The following DOCK10 variants were observed in gnomAD, a reference collection of about 807,000 sequenced individuals.
The protein encoded by DOCK10 is dedicator of cytokinesis 10.
A neutral mutation model predicts 280.1 loss-of-function variants in DOCK10; 145 were observed. The observed-to-expected ratio is 0.52, with a 90% CI of 0.45 to 0.59. The LOEUF (loss-of-function observed/expected upper bound fraction) is 0.59, where lower values mean the gene tolerates loss of function less well. Among genes scored for constraint, DOCK10 ranks in the 20% least tolerant of loss-of-function variants. DOCK10 has a pLI of 0.00. For missense variants in DOCK10, 2,368 were observed against 2,651.7 expected, an observed-to-expected ratio of 0.89 and a Z score of 2.35; for synonymous variants, 915 against 942.2, an observed-to-expected ratio of 0.97 and a Z score of 0.53.
chr2:224,944,303 G>T (rs1703270088), intron 1 of DOCK10, among the ~76,000 whole-genome samples: 1 of 152,218 alleles, frequency 6.6e-6, no homozygotes, highest in Non-Finnish European at 1.5e-5. Context: ...AGCGTGACCT[G>T]TAGTCCAGTG....
chr2:224,835,384 T>C (rs966071881), intron 25 of DOCK10, among the ~76,000 whole-genome samples: 1 of 152,224 alleles, frequency 6.6e-6, no homozygotes, highest in African/African-American at 2.4e-5. Context: ...CTGTTAACCA[T>C]GGCATTTAAT....
chr2:224,883,213 C>T (rs1352330194), intron 7 of DOCK10, among the ~76,000 whole-genome samples: 2 of 152,178 alleles, frequency 1.3e-5, no homozygotes, highest in Middle Eastern at 3.2e-3. Context: ...CCATTCATAC[C>T]TCCATCATCG....
chr2:225,004,078 T>A (rs1178621800), intron 1 of DOCK10, among the ~76,000 whole-genome samples: 2 of 152,250 alleles, frequency 1.3e-5, no homozygotes, highest in Non-Finnish European at 2.9e-5. Flanking sequence ...GATCATTCCT[T>A]GCAGTGGGTT....
chr2:224,974,959 C>T (rs1705344520), intron 1 of DOCK10, among the ~76,000 whole-genome samples: 1 of 149,964 alleles, frequency 6.7e-6, no homozygotes, highest in South Asian at 2.1e-4. Context: ...CTATGTATCA[C>T]CTCCCCCAAT....
intron 31 of DOCK10, among the ~76,000 whole-genome samples, chr2:224,813,674 A>C (rs1693935300): frequency 6.6e-6 from 1 of 152,250 alleles, no homozygotes; most frequent in African/African-American, 2.4e-5. Flanking sequence ...ATTCCAGCTC[A>C]TAAATGACCA....
intron 19 of DOCK10, among the ~76,000 whole-genome samples, chr2:224,847,051 A>G (rs1696409270): frequency 6.6e-6 from 1 of 152,216 alleles, no homozygotes. Flanking sequence ...AGAACTAATG[A>G]GACATTTTGG....
chr2:224,918,754 G>A (rs981577882), intron 2 of DOCK10, among the ~76,000 whole-genome samples: 3 of 141,626 alleles, frequency 2.1e-5, no homozygotes, highest in African/African-American at 5.0e-5. Context: ...GTATACATGA[G>A]TGTGTCGCAT....
intron 3 of DOCK10, among the ~76,000 whole-genome samples, chr2:224,915,168 T>A (rs1575049968): frequency 6.6e-6 from 1 of 152,352 alleles, no homozygotes; most frequent in East Asian, 1.9e-4. Flanking sequence ...TGTCAAATCC[T>A]GCCTAAGTTA....
Position 224,786,934 on chromosome 2 carries a change from G to T in DOCK10, c.5655+88C>A. 1.0e-6 allele frequency: 1 copy of T among 957,880 alleles called. No individual in the cohort carries two copies. The highest frequency in any genetic ancestry group is 1.3e-5 in the South Asian group (1 of 76,024). 59.3% of individuals were successfully genotyped at this position (957,880 alleles called of 1,614,324 possible). A position where few individuals can be genotyped will look rare whatever the true frequency, so the allele number is the denominator to read the frequency against. ...ACACACCCACACCTCTCCATTCACT[G>T]GTACACACAGATGTCTCATAAAGAA... On this transcript the variant is annotated intron_variant, in intron 50 of 55. Coordinates refer to ENST00000258390, the MANE Select transcript of DOCK10 (RefSeq NM_014689.3). The surrounding 1 kb of genome is among the most constrained non-coding windows in gnomAD (Gnocchi z 4.7).
chr2:224,814,979 T>G (rs558339000), intron 30 of DOCK10, among the ~76,000 whole-genome samples: 2 of 152,342 alleles, frequency 1.3e-5, no homozygotes, highest in African/African-American at 4.8e-5. Context: ...CTGTCAGGCT[T>G]TTCTCTGAGC....
intron 1 of DOCK10, among the ~76,000 whole-genome samples, chr2:224,975,411 C>T (rs1385063950): frequency 6.6e-6 from 1 of 152,156 alleles, no homozygotes; most frequent in Non-Finnish European, 1.5e-5. Context: ...CTTTCTTTCC[C>T]AGGGGAATCT....
intron 18 of DOCK10, among the ~76,000 whole-genome samples, chr2:224,852,012 G>GTGC (rs60200587): frequency 0.19 from 28,812 of 152,016 alleles, 4,324 homozygotes; most frequent in African/African-American, 0.42. Context: ...GTATGCGGCA[G>GTGC]TTCTGCGTAG....
intron 6 of DOCK10, 116 bp downstream of exon 6, chr2:224,885,947 T>C: frequency 6.7e-7 from 1 of 1,494,818 alleles, no homozygotes; most frequent in East Asian, 2.3e-5. Context: ...TCCTCATAAA[T>C]AAAATATTAT....
chr2:224,886,634 A>T (rs1699301844), intron 4 of DOCK10, 103 bp from the exon 5 acceptor site: 1 of 867,150 alleles, frequency 1.2e-6, no homozygotes, highest in Non-Finnish European at 1.8e-6. Context: ...TGGTGTTCTT[A>T]CAAATTTCTG....
At chr2:224,909,185 T>C (rs1700854115) in intron 3 of DOCK10, among the ~76,000 whole-genome samples, 1 of 152,204 alleles carries the variant, frequency 6.6e-6, no homozygotes, top group Admixed American at 6.5e-5. Context: ...GTTATAGAAG[T>C]TTTGCTTAGG....
intron 2 of DOCK10, among the ~76,000 whole-genome samples, chr2:224,921,184 C>A (rs34855785): frequency 0.31 from 40,958 of 131,354 alleles, 6,735 homozygotes; most frequent in Middle Eastern, 0.35. Flanking sequence ...CACCTGTAAT[C>A]CCAGCTACTC....
intron 1 of DOCK10, among the ~76,000 whole-genome samples, chr2:225,035,542 TTATA>T (rs57424275): frequency 0.021 from 1,070 of 49,926 alleles, 45 homozygotes; most frequent in Middle Eastern, 0.035. Context: ...ATGATATATA[TTATA>T]TATATATATA....
At chr2:224,843,354 A>G (rs1696103306) in intron 22 of DOCK10, among the ~76,000 whole-genome samples, 1 of 152,206 alleles carries the variant, frequency 6.6e-6, no homozygotes, top group African/African-American at 2.4e-5. Context: ...CAGAGACCTC[A>G]GCTATTTGGA....
chr2:225,022,756 T>C (rs1012706477), intron 1 of DOCK10, among the ~76,000 whole-genome samples: 5 of 152,192 alleles, frequency 3.3e-5, no homozygotes, highest in African/African-American at 1.2e-4. Context: ...AACAAATGCC[T>C]GGGGCCAGGA....
Sources: allele counts gnomAD v4.1 joint callset (sites outside exome capture counted in the v4.1 genomes callset), GRCh38; gene constraint gnomAD v4.1.1; non-coding constraint Gnocchi (gnomAD v3.1); transcripts MANE v1.5; gene names NCBI Gene and HGNC (gene_info 2026-07-23, HGNC 2026-07-21).